Variants in IL1RAPL1 observed in about 807,000 individuals in gnomAD.
The protein encoded by IL1RAPL1 is interleukin-1 receptor accessory protein-like 1.
IL1RAPL1 carries 3 observed loss-of-function variants against 48.4 expected under a neutral mutation model. The ratio of observed to expected loss-of-function variants is 0.06; its 90% CI spans 0.03 to 0.16. The LOEUF (loss-of-function observed/expected upper bound fraction) is 0.16. IL1RAPL1 is among the 10% of genes least tolerant of loss of function. IL1RAPL1 has a pLI of 1.00. For synonymous variants in IL1RAPL1, 185 were observed against 187.7 expected (o/e 0.99, Z 0.12); for missense variants, 349 against 530.6 (o/e 0.66, Z 3.36).
In IL1RAPL1 at chrX:29,900,342, T is replaced by C. The variant is rs181945253; in HGVS notation, c.779-17122T>C. 3.6e-5 allele frequency among the ~76,000 whole-genome samples: 4 copies of C among 112,526 alleles called. No homozygotes were observed. The East Asian group carries it at 1.1e-3, about 31-fold the overall frequency. On this transcript the variant is annotated intron_variant, in intron 6 of 10. Coordinates refer to ENST00000378993, the MANE Select transcript of IL1RAPL1 (RefSeq NM_014271.4). ...TAATAAATCTAATGATTACAATTTA[T>C]ATTTTTAAAAACATAAGAAAAGCAG...
At chrX:29,346,369 G>A (rs773989281) in intron 3 of IL1RAPL1, among the ~76,000 whole-genome samples, 67 of 112,523 alleles carry the variant, frequency 6.0e-4, no homozygotes, top group Middle Eastern at 9.3e-3. Flanking sequence ...TGTCATCAGT[G>A]TAGGAGTGCC....
chrX:29,646,238 T>C (rs147776386), intron 5 of IL1RAPL1, among the ~76,000 whole-genome samples: 1,962 of 111,648 alleles, frequency 0.018, 49 homozygotes, highest in African/African-American at 0.06. Flanking sequence ...ACAATAAATT[T>C]AACAGCAAAA....
intron 5 of IL1RAPL1, among the ~76,000 whole-genome samples, chrX:29,494,247 G>A (rs940396415): frequency 9.0e-6 from 1 of 111,482 alleles, no homozygotes; most frequent in Non-Finnish European, 1.9e-5. Context: ...TGATTTTTTT[G>A]TTCATGCATT....
intron 6 of IL1RAPL1, among the ~76,000 whole-genome samples, chrX:29,702,347 G>T (rs760780060): frequency 1.4e-4 from 16 of 110,970 alleles, no homozygotes; most frequent in African/African-American, 5.2e-4. Flanking sequence ...CATCCAAATG[G>T]GAGGCTCACA....
intron 3 of IL1RAPL1, among the ~76,000 whole-genome samples, chrX:29,319,872 T>A (rs984968911): frequency 1.8e-5 from 2 of 111,627 alleles, no homozygotes; most frequent in African/African-American, 3.3e-5. Context: ...AATTTAATTT[T>A]ATTTTGTTAC....
At chrX:29,647,216 G>A (rs779089200) in intron 5 of IL1RAPL1, among the ~76,000 whole-genome samples, 3 of 110,458 alleles carry the variant, frequency 2.7e-5, no homozygotes, top group Non-Finnish European at 5.7e-5. Flanking sequence ...TGGGCGTGGT[G>A]GCACGCGACT....
chrX:28,595,816 T>C (rs183343120), intron 1 of IL1RAPL1, among the ~76,000 whole-genome samples: 2 of 111,923 alleles, frequency 1.8e-5, no homozygotes. Context: ...GATACCCCTA[T>C]TAAAGCTCCT....
At position 29,546,411 on chromosome X, in the gene IL1RAPL1, G is replaced by A. The variant is rs1921628365; in HGVS notation, c.704-122019G>A. On this transcript the variant is annotated intron_variant, in intron 5 of 10. Transcript: ENST00000378993. ...TAAATATTTCCAGAAAAGGGAAATA[G>A]CATGTGTCCTTTTTAAGATGGTGAT... is the stretch of plus-strand genomic sequence containing the variant. 2.7e-5 allele frequency among the ~76,000 whole-genome samples: 3 copies of A among 111,594 alleles called. No homozygotes were observed. In the South Asian group the frequency reaches 1.1e-3, roughly 42 times the overall value.
chrX:29,806,973 G>A (rs1348064095), intron 6 of IL1RAPL1, among the ~76,000 whole-genome samples: 1 of 110,208 alleles, frequency 9.1e-6, no homozygotes, highest in African/African-American at 3.3e-5. Flanking sequence ...TTTGCCTTCT[G>A]CCATGATAGA....
At chrX:28,760,172 A>C (rs1936152242) in intron 1 of IL1RAPL1, among the ~76,000 whole-genome samples, 1 of 111,598 alleles carries the variant, frequency 9.0e-6, no homozygotes, top group African/African-American at 3.3e-5. Flanking sequence ...AATAATAATT[A>C]TTATTTAGTG....
chrX:28,835,982 TG>T (rs1012132539), intron 2 of IL1RAPL1, among the ~76,000 whole-genome samples: 1 of 110,715 alleles, frequency 9.0e-6, no homozygotes, highest in Non-Finnish European at 1.9e-5. Context: ...TATTTCCCTA[TG>T]TTAGGGAGAA....
chrX:28,850,821 T>C (rs187468806), intron 2 of IL1RAPL1, among the ~76,000 whole-genome samples: 1,123 of 107,219 alleles, frequency 0.01, 20 homozygotes, highest in African/African-American at 0.037. Context: ...CCTAAACTTA[T>C]ATACCCCTAT....
intron 3 of IL1RAPL1, among the ~76,000 whole-genome samples, chrX:29,329,150 AAC>A (rs1235950616): frequency 1.8e-5 from 2 of 111,036 alleles, no homozygotes; most frequent in Admixed American, 9.6e-5. Flanking sequence ...CAAGATTCTA[AAC>A]ACACACACAT....
chrX:28,972,164 A>G (rs7885756), intron 2 of IL1RAPL1, among the ~76,000 whole-genome samples: 17,562 of 110,467 alleles, frequency 0.16, 1,173 homozygotes, highest in South Asian at 0.44. Context: ...CATCACTTAT[A>G]TTGACTTCCT....
intron 2 of IL1RAPL1, among the ~76,000 whole-genome samples, chrX:29,213,075 C>T (rs1472909902): frequency 4.5e-5 from 5 of 111,376 alleles, no homozygotes; most frequent in African/African-American, 1.6e-4. Flanking sequence ...CTCGGCTCAC[C>T]GCAACCTCTG....
chrX:28,960,489 G>A lies in IL1RAPL1; in HGVS notation c.82+171064G>A, dbSNP rs144391007. On this transcript the variant is annotated intron_variant, in intron 2 of 10. Transcript: ENST00000378993. ...TCCTGCCTTTTGCTTGAATATTATGGCCATTTTGTTCAAAATAAAAATACT... is the reference window on the plus strand; with the variant it reads ...TCCTGCCTTTTGCTTGAATATTATGACCATTTTGTTCAAAATAAAAATACT... 8.6e-3 allele frequency among the ~76,000 whole-genome samples: 958 copies of A among 110,846 alleles called. 12 individuals carry two copies. The highest frequency in any genetic ancestry group is 0.03 in the African/African-American group (915 of 30,502).
At chrX:28,684,419 T>G (rs1265114809) in intron 1 of IL1RAPL1, among the ~76,000 whole-genome samples, 1 of 112,025 alleles carries the variant, frequency 8.9e-6, no homozygotes, top group Non-Finnish European at 1.9e-5. Flanking sequence ...ACTTTGGATG[T>G]CATATGTGGG....
intron 3 of IL1RAPL1, among the ~76,000 whole-genome samples, chrX:29,368,053 C>A (rs1432192510): frequency 9.0e-6 from 1 of 110,913 alleles, no homozygotes; most frequent in Non-Finnish European, 1.9e-5. Flanking sequence ...GCAGATTCAA[C>A]CAACTACATA....
rs752976041 is a variant in IL1RAPL1, at chrX:28,651,113, G to A, written c.-25+63066G>A. Among the ~76,000 whole-genome samples the A allele has an allele frequency of 3.6e-5, 4 of 111,976 alleles. No individual in the cohort carries two copies. In the South Asian group the frequency reaches 1.5e-3, roughly 41 times the overall value. ...AACTACCCTCATGCTATGTGTATAAGCGGTATATGAAACATAAAGGAATTT... is the reference window on the plus strand; with the variant it reads ...AACTACCCTCATGCTATGTGTATAAACGGTATATGAAACATAAAGGAATTT... On this transcript the variant is annotated intron_variant, in intron 1 of 10. Transcript: ENST00000378993.
Sources: gnomAD v4.1 joint callset for allele counts (sites outside exome capture counted in the v4.1 genomes callset) on GRCh38, gnomAD v4.1.1 for gene constraint, MANE v1.5 for transcripts, NCBI Gene and HGNC (gene_info 2026-07-23, HGNC 2026-07-21) for gene names.